Variants in PLXNB1 observed in about 807,000 individuals in gnomAD.
PLXNB1 encodes the protein plexin B1, also known as plexin-B1.
A neutral mutation model predicts 209.4 loss-of-function variants in PLXNB1; 106 were observed. The observed-to-expected ratio is 0.51, with a 90% CI of 0.43 to 0.59. The LOEUF (loss-of-function observed/expected upper bound fraction) is 0.59. Among genes scored for constraint, PLXNB1 ranks in the 20% least tolerant of loss-of-function variants. PLXNB1 has a pLI of 0.00. For synonymous variants in PLXNB1, 1,167 were observed against 1,183.2 expected, an observed-to-expected ratio of 0.99 and a Z score of 0.28; for missense variants, 2,357 against 2,853.2, an observed-to-expected ratio of 0.83 and a Z score of 3.96.
chr3:48,415,713 G>A lies in PLXNB1; in HGVS notation c.3664C>T (p.Arg1222Cys), dbSNP rs749315971. 43 of 1,552,882 alleles carry A rather than the reference G, an allele frequency of 2.8e-5. No homozygotes were observed. In the East Asian group the frequency reaches 3.9e-4, roughly 14 times the overall value. The change falls in exon 19 of 38, where the codon CGC becomes TGC. Residue 1222 changes from arginine to cysteine, a missense_variant. Around this residue, in one of 7 missense-constraint regions of PLXNB1, gnomAD observed 743 missense variants for 896.2 expected, o/e 0.83. Coordinates refer to ENST00000296440, the MANE Select transcript of PLXNB1 (RefSeq NM_001130082.3). This position sits in a 1 kb window ranked among gnomAD's most constrained non-coding sequence, Gnocchi z 5.0. The part of the protein sequence containing the change: ...SEQLRCETSP[R>C]PTPATLPVAV... ...ACAGGGAGCGTGGCAGGCGTGGGGCGTGGGCTGGTCTCACACCGCAGTTGT... is the reference window on the plus strand; with the variant it reads ...ACAGGGAGCGTGGCAGGCGTGGGGCATGGGCTGGTCTCACACCGCAGTTGT...
Position 48,419,122 on chromosome 3 carries a change from C to G in PLXNB1, c.2833-83G>C, listed in dbSNP as rs2038312436. The G allele has an allele frequency of 6.3e-7, 1 of 1,583,736 alleles. No homozygotes were observed. The highest frequency in any genetic ancestry group is 1.1e-5 in the South Asian group (1 of 87,742). On this transcript the variant is annotated intron_variant, in intron 12 of 37. Transcript: ENST00000296440. The surrounding 1 kb of genome is among the most constrained non-coding windows in gnomAD (Gnocchi z 5.7). ...GCAGGTCACCCAACAGATCCCCCAG[C>G]ACAGCTTCTGGGTTGGAGTTGAGCC...
Position 48,410,731 on chromosome 3 carries a change from G to A in PLXNB1, c.5416+137C>T, listed in dbSNP as rs2037625293. 1.0e-6 allele frequency: 1 copy of A among 1,002,190 alleles called. No homozygotes were observed. The highest frequency in any genetic ancestry group is 1.5e-6 in the Non-Finnish European group (1 of 679,672). 62.1% of individuals were successfully genotyped at this position (1,002,190 alleles called of 1,614,324 possible). A position where few individuals can be genotyped will look rare whatever the true frequency, so the allele number is the denominator to read the frequency against. ...CCCAGATGAGAGGCTGTCCAAGAAA[G>A]ATGTTCCAAAGCCAGCTTCTGCCTG... On this transcript the variant is annotated intron_variant, in intron 29 of 37. Coordinates refer to ENST00000296440, the MANE Select transcript of PLXNB1 (RefSeq NM_001130082.3). The surrounding 1 kb of genome is among the most constrained non-coding windows in gnomAD (Gnocchi z 6.4).
In PLXNB1 at chr3:48,416,312, G is replaced by T; in HGVS notation, c.3480+34C>A. On this transcript the variant is annotated intron_variant, in intron 17 of 37. Transcript: ENST00000296440. This position sits in a 1 kb window ranked among gnomAD's most constrained non-coding sequence, Gnocchi z 4.1. ...GAGGAGCCACCAGAGAGGTTGGCCC[G>T]CTGGCAGCTGGGGGTGGCTCAGCAG... 1.3e-6 allele frequency: 2 copies of T among 1,575,038 alleles called. No individual in the cohort carries two copies. The highest frequency in any genetic ancestry group is 1.7e-6 in the Non-Finnish European group (2 of 1,148,192).
At chr3:48,422,640 G>T in intron 4 of PLXNB1, 125 bp downstream of exon 4, 1 of 1,255,342 alleles carries the variant, frequency 8.0e-7, no homozygotes, top group Non-Finnish European at 1.1e-6. Flanking sequence ...CCAGTCCTGG[G>T]GAGAGGAGCT....
rs534908349 is a variant in PLXNB1 at position 48,417,668 on chromosome 3, C to T, written c.3374+243G>A. The stretch of plus-strand genomic sequence containing the variant: ...GTGAGCAGAGCAGGAAGCAGAGCCA[C>T]GAGTCAGTTCTGGGCAGTGACGGGC... On this transcript the variant is annotated intron_variant, in intron 16 of 37. Transcript: ENST00000296440. This position sits in a 1 kb window ranked among gnomAD's most constrained non-coding sequence, Gnocchi z 4.4. Among the ~76,000 whole-genome samples, 22 of 152,240 alleles carry T rather than the reference C, an allele frequency of 1.4e-4. No individual in the cohort carries two copies. Among genetic ancestry groups the T allele is most frequent in the Non-Finnish European group, 3.1e-4 (21 of 68,016 alleles).
In PLXNB1 at chr3:48,407,012, C is replaced by T. The variant is rs776693598; in HGVS notation, c.6152+15G>A. 8 of 1,613,712 alleles carry T rather than the reference C, an allele frequency of 5.0e-6. No individual in the cohort carries two copies. Among genetic ancestry groups the T allele is most frequent in the Non-Finnish European group, 6.8e-6 (8 of 1,179,730 alleles). On this transcript the variant is annotated intron_variant, in intron 35 of 37. Transcript: ENST00000296440. ...CACACGCCCTCCAACCTCTACCCAC[C>T]GTGCCCTCCAGTACCTTTCCACCAT...
At position 48,416,769 on chromosome 3, in the gene PLXNB1, G is replaced by A. The variant is rs1486605961; in HGVS notation, c.3375-318C>T. 2 of 243,048 alleles carry A rather than the reference G, an allele frequency of 8.2e-6. No individual in the cohort carries two copies. The highest frequency in any genetic ancestry group is 4.5e-5 in the African/African-American group (2 of 44,278). 15.1% of individuals were successfully genotyped at this position (243,048 alleles called of 1,614,324 possible). ...TTGTGGGGCGAGCTGCTGAGCAAGTGAGTGGGCACAGCTAGCCGCCCATGT... is the reference window on the plus strand; with the variant it reads ...TTGTGGGGCGAGCTGCTGAGCAAGTAAGTGGGCACAGCTAGCCGCCCATGT... On this transcript the variant is annotated intron_variant, in intron 16 of 37. Coordinates refer to ENST00000296440, the MANE Select transcript of PLXNB1 (RefSeq NM_001130082.3). This position sits in a 1 kb window ranked among gnomAD's most constrained non-coding sequence, Gnocchi z 4.1.
In PLXNB1 at chr3:48,412,913, G is replaced by A. The variant is rs767889169; in HGVS notation, c.4683C>T (p.Ser1561=). The part of the protein sequence containing the change: ...MTDLTSDLLG[S]GIPFLDYKVY... ...CCTTGTAGTCGAGGAAGGGGATGCC[G>A]CTGCCCAGGAGGTCACTGGTGAGAT... is the stretch of plus-strand genomic sequence containing the variant. The change falls in exon 25 of 38, where the codon AGC becomes AGT. Residue 1561 remains serine, a synonymous_variant. Transcript: ENST00000296440. The A allele has an allele frequency of 1.4e-5, 23 of 1,613,976 alleles. No homozygotes were observed. The highest frequency in any genetic ancestry group is 3.3e-4 in the Middle Eastern group (2 of 6,084).
At chr3:48,414,536 C>A (rs2037938206) in intron 21 of PLXNB1, among the ~76,000 whole-genome samples, 1 of 152,192 alleles carries the variant, frequency 6.6e-6, no homozygotes, top group African/African-American at 2.4e-5. Context: ...ACTGCACAGG[C>A]CGAACATACA....
At position 48,405,730 on chromosome 3, in the gene PLXNB1, A is replaced by G. The variant is rs1290480681; in HGVS notation, c.6297T>C (p.Tyr2099=). 2.5e-6 allele frequency: 4 copies of G among 1,613,214 alleles called. No individual in the cohort carries two copies. The highest frequency in any genetic ancestry group is 1.3e-5 in the African/African-American group (1 of 75,028). ...HELYKYINKY[Y]DQIITALEED... ...GGGTCCAGGGCCTGCCCACCTGGTC[A>G]TAGTACTTGTTGATGTACTTGTAGA... Residue 2099 remains tyrosine, a synonymous_variant, in exon 37 of 38, where the codon TAT becomes TAC. Transcript: ENST00000296440. This position sits in a 1 kb window ranked among gnomAD's most constrained non-coding sequence, Gnocchi z 5.0.
chr3:48,407,760 G>A (rs1291897651), intron 34 of PLXNB1, among the ~76,000 whole-genome samples: 1 of 152,190 alleles, frequency 6.6e-6, no homozygotes, highest in African/African-American at 2.4e-5. Context: ...CCCCATGGGG[G>A]AACCCTTGGC....
At position 48,409,930 on chromosome 3, in the gene PLXNB1, T is replaced by C. The variant is rs749154789; in HGVS notation, c.5753A>G (p.Tyr1918Cys). 6 of 1,611,698 alleles carry C rather than the reference T, an allele frequency of 3.7e-6. No individual in the cohort carries two copies. The highest frequency in any genetic ancestry group is 2.2e-5 in the South Asian group (2 of 90,912). ...CTTCATGGACAGCAGGCGGGTCAGG[T>C]AGATCTCAGGGATGGCCTTGGCGCG... Reference protein sequence around the residue: ...RERAKAIPEIYLTRLLSMKGT... With the variant: ...RERAKAIPEICLTRLLSMKGT... Residue 1918 changes from tyrosine (Y) to cysteine (C), a missense_variant, in exon 32 of 38, where the codon TAC becomes TGC. Physicochemically the swap from Tyr to Cys is radical, Grantham distance 194 (BLOSUM62 -2). Transcript: ENST00000296440. This position sits in a 1 kb window ranked among gnomAD's most constrained non-coding sequence, Gnocchi z 5.8.
intron 8 of PLXNB1, 83 bp from the exon 9 acceptor site, chr3:48,421,039 G>T: frequency 7.4e-7 from 1 of 1,350,438 alleles, no homozygotes; most frequent in Non-Finnish European, 1.1e-6. Context: ...CCCTTGAATG[G>T]GGAAGAGGAC....
intron 21 of PLXNB1, among the ~76,000 whole-genome samples, 198 bp from the exon 22 acceptor site, chr3:48,414,269 T>C (rs146367829): frequency 6.6e-5 from 10 of 152,292 alleles, no homozygotes; most frequent in Non-Finnish European, 1.5e-4. Context: ...CCTATCTTTC[T>C]TCTCCAGAAC....
Position 48,422,783 on chromosome 3 carries a change from A to T in PLXNB1, c.1272T>A (p.Ser424Arg), listed in dbSNP as rs2038618351. The change falls in exon 4 of 38, where the codon AGT becomes AGA. Residue 424 changes from serine (S) to arginine (R), a missense_variant. By Grantham distance (110) the Ser-to-Arg change is moderately radical. Around this residue, in one of 7 missense-constraint regions of PLXNB1, gnomAD observed 404 missense variants for 443.6 expected, o/e 0.91. Transcript: ENST00000296440. ...GGCTCACCCTGTGCAGCTGCCCTTGACTATCACCCAGGAAAGCGATGGTGT... is the reference window on the plus strand; with the variant it reads ...GGCTCACCCTGTGCAGCTGCCCTTGTCTATCACCCAGGAAAGCGATGGTGT... ...DGHTIAFLGDSQGQLHRVYLG... is the reference protein window; with the variant it reads ...DGHTIAFLGDRQGQLHRVYLG... 1 of 1,613,844 alleles carries T rather than the reference A, an allele frequency of 6.2e-7. No homozygotes were observed.
At position 48,422,464 on chromosome 3, in the gene PLXNB1, G is replaced by A; in HGVS notation, c.1291-5C>T. On this transcript the variant is annotated splice_region_variant and splice_polypyrimidine_tract_variant and intron_variant, in intron 4 of 37. Transcript: ENST00000296440. ...GCTCCCTGGGCCCAAGTAGACCTGGGATCAGAGACCACAGGGTCTGGGACC... is the reference window on the plus strand; with the variant it reads ...GCTCCCTGGGCCCAAGTAGACCTGGAATCAGAGACCACAGGGTCTGGGACC... The A allele has an allele frequency of 1.9e-6, 3 of 1,578,456 alleles. No individual in the cohort carries two copies. The highest frequency in any genetic ancestry group is 1.8e-5 in the Admixed American group (1 of 55,582).
In PLXNB1 at chr3:48,419,011, A is replaced by C; in HGVS notation, c.2861T>G (p.Met954Arg). 1 of 1,614,068 alleles carries C rather than the reference A, an allele frequency of 6.2e-7. No individual in the cohort carries two copies. Among genetic ancestry groups the C allele is most frequent in the Non-Finnish European group, 8.5e-7 (1 of 1,179,998 alleles). ...CACCACCTCGAGGCCCTCCAGCTCC[A>C]TCACACACTCATTGTCTCCTGGGCC... ...QDGPGDNECV[M>R]ELEGLEVVVE... Residue 954 changes from methionine to arginine, a missense_variant, in exon 13 of 38, where the codon ATG becomes AGG. Met to Arg is a moderately conservative substitution (Grantham distance 91). Transcript: ENST00000296440. The surrounding 1 kb of genome is among the most constrained non-coding windows in gnomAD (Gnocchi z 5.7).
intron 1 of PLXNB1, among the ~76,000 whole-genome samples, chr3:48,425,729 C>T (rs541441614): frequency 6.4e-4 from 98 of 152,170 alleles, no homozygotes; most frequent in African/African-American, 2.3e-3. Flanking sequence ...GCCCAAAGGG[C>T]CACCAGCGCT....
Position 48,404,556 on chromosome 3 carries a change from T to A in PLXNB1, c.6338A>T (p.Gln2113Leu), listed in dbSNP as rs769520019. Residue 2113 changes from glutamine to leucine, a missense_variant, in exon 38 of 38, where the codon CAG becomes CTG. By Grantham distance (113) the Gln-to-Leu change is moderately radical. Transcript: ENST00000296440. The stretch of plus-strand genomic sequence containing the variant: ...GAGCCGATAGCCCAGCTGCATCTTC[T>A]GGGCCGTGCCATCCTCCTCCAGGGC... ...ITALEEDGTA[Q>L]KMQLGYRLQQ... 3.1e-6 allele frequency: 5 copies of A among 1,613,670 alleles called. No homozygotes were observed. Among genetic ancestry groups the A allele is most frequent in the East Asian group, 2.2e-5 (1 of 44,886 alleles).
Sources: gnomAD v4.1 joint callset for allele counts (sites outside exome capture counted in the v4.1 genomes callset) on GRCh38, gnomAD v4.1.1 for gene constraint, gnomAD v4.1.1 regional missense constraint, Gnocchi (gnomAD v3.1) non-coding constraint, MANE v1.5 for transcripts, NCBI Gene and HGNC (gene_info 2026-07-23, HGNC 2026-07-21) for gene names.